Variants in UNC5D observed in about 807,000 individuals in gnomAD.
The protein encoded by UNC5D is unc-5 netrin receptor D, also known as netrin receptor UNC5D.
Under a neutral mutation model 105.4 loss-of-function variants are expected in UNC5D, and 39 were observed. That is an observed-to-expected ratio of 0.37 (90% CI 0.29 to 0.48). UNC5D has a LOEUF of 0.48. UNC5D is among the 20% of genes least tolerant of loss of function. UNC5D has a pLI of 0.98. For missense variants in UNC5D, 991 were observed against 1,202.4 expected, an observed-to-expected ratio of 0.82 and a Z score of 2.60; for synonymous variants, 452 against 450.4, an observed-to-expected ratio of 1.00 and a Z score of -0.04.
At chr8:35,608,333 A>G (rs1315240146) in intron 4 of UNC5D, among the ~76,000 whole-genome samples, 1 of 152,180 alleles carries the variant, frequency 6.6e-6, no homozygotes, top group Admixed American at 6.6e-5. Flanking sequence ...TTGTTTTATA[A>G]ATGTTGTATT....
intron 1 of UNC5D, among the ~76,000 whole-genome samples, chr8:35,373,497 T>G (rs1204857681): frequency 6.6e-6 from 1 of 152,216 alleles, no homozygotes; most frequent in African/African-American, 2.4e-5. Flanking sequence ...TCACATAATA[T>G]GATTCTACAT....
At chr8:35,737,631 CATG>C (rs1829544206) in intron 11 of UNC5D, among the ~76,000 whole-genome samples, 1 of 152,160 alleles carries the variant, frequency 6.6e-6, no homozygotes, top group South Asian at 2.1e-4. Context: ...AGTAAGATGT[CATG>C]ATATTTGGTG....
intron 1 of UNC5D, among the ~76,000 whole-genome samples, chr8:35,378,663 A>T (rs1353451059): frequency 6.6e-6 from 1 of 152,218 alleles, no homozygotes; most frequent in East Asian, 1.9e-4. Context: ...GGCCACACAG[A>T]CATGGTGCCT....
intron 1 of UNC5D, among the ~76,000 whole-genome samples, chr8:35,375,826 C>G (rs1237744880): frequency 6.6e-6 from 1 of 152,098 alleles, no homozygotes; most frequent in Non-Finnish European, 1.5e-5. Flanking sequence ...TTTTTAATCC[C>G]TTTTGTGTTA....
In UNC5D at chr8:35,750,797, T is replaced by G. The variant is rs1168855474; in HGVS notation, c.2151T>G (p.Pro717=). 1.9e-6 allele frequency: 3 copies of G among 1,614,152 alleles called. No individual in the cohort carries two copies. Among genetic ancestry groups the G allele is most frequent in the Non-Finnish European group, 2.5e-6 (3 of 1,179,998 alleles). The change falls in exon 13 of 17, where the codon CCT becomes CCG. Residue 717 remains proline (P), a synonymous_variant. Coordinates refer to ENST00000404895, the MANE Select transcript of UNC5D (RefSeq NM_080872.4). ...NLRVYCVDNT[P]CAFQEVVSDE... ...GAGTTTACTGTGTGGACAATACCCCTTGTGCATTTCAGGTTAGCCTTTGTT... is the reference window on the plus strand; with the variant it reads ...GAGTTTACTGTGTGGACAATACCCCGTGTGCATTTCAGGTTAGCCTTTGTT...
intron 1 of UNC5D, among the ~76,000 whole-genome samples, chr8:35,245,523 T>A (rs1803039079): frequency 6.6e-6 from 1 of 152,134 alleles, no homozygotes; most frequent in Non-Finnish European, 1.5e-5. Context: ...TCACAGGTTT[T>A]GTCAGTGTGA....
rs185757081 is a variant in UNC5D at position 35,674,048 on chromosome 8, C to A, written c.571-9499C>A. Among the ~76,000 whole-genome samples the A allele has an allele frequency of 4.6e-5, 7 of 152,290 alleles. No homozygotes were observed. In the East Asian group the frequency reaches 1.2e-3, roughly 25 times the overall value. Reference sequence around the variant, plus strand: ...ATGTCAAAATAATTCAGGTCACAGTCTGAACATTTGACAGTAATGATATAA... The same window carrying A: ...ATGTCAAAATAATTCAGGTCACAGTATGAACATTTGACAGTAATGATATAA... On this transcript the variant is annotated intron_variant, in intron 4 of 16. Coordinates refer to ENST00000404895, the MANE Select transcript of UNC5D (RefSeq NM_080872.4).
At chr8:35,534,794 A>G (rs530341388) in intron 1 of UNC5D, among the ~76,000 whole-genome samples, 1 of 152,146 alleles carries the variant, frequency 6.6e-6, no homozygotes, top group Non-Finnish European at 1.5e-5. Flanking sequence ...TTTGGGCTAC[A>G]AAAAAAGATT....
chr8:35,703,482 A>T (rs1563685457), intron 7 of UNC5D, among the ~76,000 whole-genome samples: 1 of 152,172 alleles, frequency 6.6e-6, no homozygotes, highest in East Asian at 1.9e-4. Flanking sequence ...GCTAGGTTAG[A>T]GGGGGAAGTG....
rs1042692792 is a variant in UNC5D at position 35,774,416 on chromosome 8, G to T, written c.2596G>T (p.Asp866Tyr). 6.2e-7 allele frequency: 1 copy of T among 1,614,092 alleles called. No homozygotes were observed. The highest frequency in any genetic ancestry group is 8.5e-7 in the Non-Finnish European group (1 of 1,179,986). The change falls in exon 16 of 17, where the codon GAT (aspartate) becomes TAT (tyrosine). Residue 866 changes from aspartate to tyrosine, a missense_variant. Around this residue, in one of 3 missense-constraint regions of UNC5D, gnomAD observed 944 missense variants for 1,131.6 expected, o/e 0.83. Coordinates refer to ENST00000404895, the MANE Select transcript of UNC5D (RefSeq NM_080872.4). ...SIRQRICATF[D>Y]TPNAKGKDWQ... ...CAGACAGCGGATTTGTGCTACATTTGATACCCCCAATGCCAAAGGCAAGGA... is the reference window on the plus strand; with the variant it reads ...CAGACAGCGGATTTGTGCTACATTTTATACCCCCAATGCCAAAGGCAAGGA...
intron 1 of UNC5D, among the ~76,000 whole-genome samples, chr8:35,249,736 G>A (rs1206504157): frequency 6.6e-6 from 1 of 152,024 alleles, no homozygotes; most frequent in East Asian, 1.9e-4. Context: ...AAACTCTTGT[G>A]CCTCTATTAT....
At chr8:35,448,221 G>C (rs1188700177) in intron 1 of UNC5D, among the ~76,000 whole-genome samples, 1 of 151,986 alleles carries the variant, frequency 6.6e-6, no homozygotes, top group Non-Finnish European at 1.5e-5. Flanking sequence ...GTTTTTCCAT[G>C]TCTTTTTGAC....
intron 1 of UNC5D, among the ~76,000 whole-genome samples, chr8:35,522,891 C>T (rs943241067): frequency 6.6e-6 from 1 of 152,102 alleles, no homozygotes; most frequent in African/African-American, 2.4e-5. Flanking sequence ...CAACCCACAA[C>T]ATAATATGAT....
intron 1 of UNC5D, among the ~76,000 whole-genome samples, chr8:35,406,842 T>C (rs1356332455): frequency 6.6e-6 from 1 of 152,274 alleles, no homozygotes; most frequent in African/African-American, 2.4e-5. Context: ...TCCAGTTTTA[T>C]GTTCATTACA....
At chr8:35,631,652 G>T (rs139162740) in intron 4 of UNC5D, among the ~76,000 whole-genome samples, 2,990 of 152,318 alleles carry the variant, frequency 0.02, 48 homozygotes, top group Middle Eastern at 0.034. Flanking sequence ...CAGAGTAGAT[G>T]AGTAAGGAAC....
chr8:35,541,999 T>C (rs1180178284), intron 1 of UNC5D, among the ~76,000 whole-genome samples: 1 of 152,230 alleles, frequency 6.6e-6, no homozygotes, highest in Admixed American at 6.5e-5. Context: ...TTTCCCATCT[T>C]TCATTCTGCA....
chr8:35,261,662 G>A (rs549687680), intron 1 of UNC5D, among the ~76,000 whole-genome samples: 4 of 151,928 alleles, frequency 2.6e-5, no homozygotes, highest in South Asian at 2.1e-4. Flanking sequence ...TGTATTTCAC[G>A]GAGGCTCATT....
intron 15 of UNC5D, among the ~76,000 whole-genome samples, chr8:35,774,020 A>G (rs1288539876): frequency 2.0e-5 from 3 of 152,142 alleles, no homozygotes; most frequent in Non-Finnish European, 4.4e-5. Context: ...CACTGTGCCC[A>G]GCCTCTGACA....
chr8:35,594,715 C>G (rs1819381015), intron 3 of UNC5D, among the ~76,000 whole-genome samples: 1 of 152,146 alleles, frequency 6.6e-6, no homozygotes, highest in Non-Finnish European at 1.5e-5. Context: ...TGAAACTCTT[C>G]TGCACTGTCC....
Sources: gnomAD v4.1 joint callset for allele counts (sites outside exome capture counted in the v4.1 genomes callset) on GRCh38, gnomAD v4.1.1 for gene constraint, gnomAD v4.1.1 regional missense constraint, MANE v1.5 for transcripts, NCBI Gene and HGNC (gene_info 2026-07-23, HGNC 2026-07-21) for gene names.